Variants in RARB observed in about 807,000 individuals in gnomAD.
RARB encodes the protein HBV-activated protein.
RARB carries 17 observed loss-of-function variants against 51.9 expected under a neutral mutation model. The observed-to-expected ratio is 0.33, with a 90% CI of 0.22 to 0.49. The LOEUF is 0.49. Among genes scored for constraint, RARB ranks in the 20% least tolerant of loss-of-function variants. The pLI is 0.99. For missense variants in RARB, 369 were observed against 550.8 expected, an observed-to-expected ratio of 0.67 and a Z score of 3.30; for synonymous variants, 215 against 195.4, an observed-to-expected ratio of 1.10 and a Z score of -0.84.
intron 5 of RARB, among the ~76,000 whole-genome samples, chr3:25,405,617 T>C (rs552738147): frequency 1.3e-5 from 2 of 152,222 alleles, no homozygotes; most frequent in Admixed American, 6.5e-5. Context: ...TTGTAAAATA[T>C]GTTCACCACT....
At chr3:25,434,338 A>T (rs1451463879) in intron 1 of RARB, among the ~76,000 whole-genome samples, 2 of 152,206 alleles carry the variant, frequency 1.3e-5, no homozygotes, top group Non-Finnish European at 2.9e-5. Flanking sequence ...GGATTCTGAG[A>T]TTATAATTGT....
intron 3 of RARB, among the ~76,000 whole-genome samples, chr3:25,539,549 CT>C (rs1236004618): frequency 1.1e-5 from 1 of 87,500 alleles, no homozygotes; most frequent in Non-Finnish European, 2.2e-5. Flanking sequence ...TTTTTTTTTT[CT>C]TTTTTTTGGC....
At chr3:24,864,075 A>C (rs1702804980) in intron 2 of RARB, among the ~76,000 whole-genome samples, 1 of 152,212 alleles carries the variant, frequency 6.6e-6, no homozygotes, top group Non-Finnish European at 1.5e-5. Flanking sequence ...GACAAGTTTC[A>C]CTAACTTTTG....
At chr3:25,190,208 TA>T (rs10712647) in intron 5 of RARB, among the ~76,000 whole-genome samples, 146,052 of 152,072 alleles carry the variant, frequency 0.96, 70,163 homozygotes, top group African/African-American at 0.98. Flanking sequence ...ATTCAAGAGT[TA>T]AATTTTCCTC....
At chr3:25,205,027 A>C (rs561141802) in intron 5 of RARB, among the ~76,000 whole-genome samples, 2 of 152,220 alleles carry the variant, frequency 1.3e-5, no homozygotes, top group Non-Finnish European at 2.9e-5. Flanking sequence ...CCAGAGGTGG[A>C]GTCTACAGAG....
intron 2 of RARB, among the ~76,000 whole-genome samples, chr3:25,479,673 C>G (rs1003723924): frequency 2.0e-5 from 3 of 152,186 alleles, no homozygotes; most frequent in African/African-American, 4.8e-5. Flanking sequence ...GTCTTCAAAT[C>G]TCATACTTGG....
intron 3 of RARB, among the ~76,000 whole-genome samples, chr3:25,100,686 C>T (rs1699383185): frequency 6.6e-6 from 1 of 152,132 alleles, no homozygotes; most frequent in Non-Finnish European, 1.5e-5. Context: ...AATTGTAACA[C>T]TAGGCAAGTG....
chr3:25,071,406 G>T (rs1698762930), intron 3 of RARB, among the ~76,000 whole-genome samples: 1 of 152,114 alleles, frequency 6.6e-6, no homozygotes, highest in African/African-American at 2.4e-5. Context: ...ACACCAGAAG[G>T]AGAAGTAATA....
At chr3:25,418,493 C>G (rs1389284091) in intron 5 of RARB, among the ~76,000 whole-genome samples, 1 of 152,010 alleles carries the variant, frequency 6.6e-6, no homozygotes, top group African/African-American at 2.4e-5. Flanking sequence ...ATGAATTTAC[C>G]TAACCCGACC....
chr3:25,064,133 A>G (rs1332485921), intron 3 of RARB, among the ~76,000 whole-genome samples: 1 of 152,138 alleles, frequency 6.6e-6, no homozygotes, highest in Non-Finnish European at 1.5e-5. Context: ...TAGTGATATA[A>G]TGATAACCAA....
intron 1 of RARB, among the ~76,000 whole-genome samples, chr3:24,851,734 A>G (rs533045109): frequency 6.6e-6 from 1 of 152,204 alleles, no homozygotes; most frequent in African/African-American, 2.4e-5. Context: ...AGTATGTTTC[A>G]TTTGAGCTTT....
chr3:25,547,526 C>T (rs530770275), intron 3 of RARB, among the ~76,000 whole-genome samples: 19 of 152,266 alleles, frequency 1.2e-4, no homozygotes, highest in South Asian at 6.2e-4. Flanking sequence ...AATTATTGGG[C>T]GGTCATTGCT....
At chr3:25,161,692 C>G (rs1700475423) in intron 4 of RARB, among the ~76,000 whole-genome samples, 1 of 152,228 alleles carries the variant, frequency 6.6e-6, no homozygotes, top group African/African-American at 2.4e-5. Flanking sequence ...TTGTGCATAT[C>G]TCTTTGCAGA....
intron 3 of RARB, among the ~76,000 whole-genome samples, chr3:25,521,258 C>A: frequency 6.6e-6 from 1 of 152,270 alleles, no homozygotes; most frequent in East Asian, 1.9e-4. Flanking sequence ...CTTCCCCGGC[C>A]TACTTAGCTT....
At chr3:25,250,497 G>A (rs967742407) in intron 5 of RARB, among the ~76,000 whole-genome samples, 11 of 152,122 alleles carry the variant, frequency 7.2e-5, no homozygotes, top group African/African-American at 1.4e-4. Context: ...TGGTGGCTTC[G>A]GGCAGGATAG....
intron 5 of RARB, among the ~76,000 whole-genome samples, chr3:25,270,232 A>G (rs1053436792): frequency 6.6e-6 from 1 of 152,218 alleles, no homozygotes; most frequent in Non-Finnish European, 1.5e-5. Flanking sequence ...GAGTAATCCA[A>G]ATCTCCATTG....
chr3:24,891,882 A>G (rs1703385504), intron 2 of RARB, among the ~76,000 whole-genome samples: 1 of 152,024 alleles, frequency 6.6e-6, no homozygotes, highest in South Asian at 2.1e-4. Context: ...GCATACCCAT[A>G]GGGTTCAACT....
chr3:24,978,799 G>C (rs891019769), intron 2 of RARB, among the ~76,000 whole-genome samples: 3 of 150,606 alleles, frequency 2.0e-5, no homozygotes, highest in Admixed American at 2.0e-4. Context: ...GCTAGCTTTT[G>C]AATTTGTTTG....
chr3:25,484,038 T>G (rs573296327), intron 2 of RARB, among the ~76,000 whole-genome samples: 1 of 152,344 alleles, frequency 6.6e-6, no homozygotes, highest in Admixed American at 6.5e-5. Context: ...CCTAATATTT[T>G]CTACCAAAAT....
Sources: allele counts gnomAD v4.1 joint callset (sites outside exome capture counted in the v4.1 genomes callset), GRCh38; gene constraint gnomAD v4.1.1; transcripts MANE v1.5; gene names NCBI Gene and HGNC (gene_info 2026-07-23, HGNC 2026-07-21).